Variants in LGI1 observed in about 807,000 individuals in gnomAD.
The protein encoded by LGI1 is leucine rich glioma inactivated 1, also known as leucine-rich glioma-inactivated protein 1.
Under a neutral mutation model 57.7 loss-of-function variants are expected in LGI1, and 11 were observed. The ratio of observed to expected loss-of-function variants is 0.19; its 90% confidence interval spans 0.12 to 0.32. The LOEUF is 0.32. Ranked by LOEUF, LGI1 falls within the 10% of genes least tolerant of loss-of-function variation. The probability of loss-of-function intolerance (pLI) is 1.00; values close to 1 mark genes in which losing one functional copy is unlikely to be tolerated. For missense variants in LGI1, 422 were observed against 661.9 expected (o/e 0.64, Z 3.98); for synonymous variants, 222 against 241.9 (o/e 0.92, Z 0.76).
At chr10:93,772,513 C>T (rs547914548) in intron 2 of LGI1, among the ~76,000 whole-genome samples, 2 of 152,144 alleles carry the variant, frequency 1.3e-5, no homozygotes, top group African/African-American at 4.8e-5. Flanking sequence ...AAAACTTACT[C>T]ATCTATGGAA....
At chr10:93,793,693 C>T (rs982444330) in intron 7 of LGI1, among the ~76,000 whole-genome samples, 1 of 152,178 alleles carries the variant, frequency 6.6e-6, no homozygotes, top group African/African-American at 2.4e-5. Flanking sequence ...GGTTCTGCCA[C>T]AGTCTATTTG....
intron 2 of LGI1, among the ~76,000 whole-genome samples, chr10:93,766,512 C>CTTTTTTTTCTTTTT (rs1554903465): frequency 3.5e-5 from 3 of 84,588 alleles, no homozygotes; most frequent in East Asian, 8.7e-4. Context: ...TTATAGATCT[C>CTTTTTTTTCTTTTT]TTTTTTTTTT....
intron 5 of LGI1, chr10:93,791,241 C>A (rs1482738722): frequency 6.6e-6 from 1 of 152,184 alleles, no homozygotes; most frequent in African/African-American, 2.4e-5. Flanking sequence ...GTTATCCTCT[C>A]TGGTTTACAG....
At chr10:93,771,687 T>C (rs758119242) in intron 2 of LGI1, 2 of 152,152 alleles carry the variant, frequency 1.3e-5, no homozygotes, top group Non-Finnish European at 2.9e-5. Context: ...AAAAAAGGAT[T>C]AAAGGCAGGC....
chr10:93,796,887 G>T, intron 7 of LGI1, 81 bp from the exon 8 acceptor site: 2 of 1,166,582 alleles, frequency 1.7e-6, no homozygotes, highest in Non-Finnish European at 2.5e-6. Context: ...TTGGGTGGAA[G>T]TTGTATGGCC....
At chr10:93,772,568 TATA>T (rs1378660386) in intron 2 of LGI1, 2 of 152,312 alleles carry the variant, frequency 1.3e-5, no homozygotes, top group Admixed American at 6.5e-5. Flanking sequence ...TTGTTCATGA[TATA>T]ATAAGCAAAT....
chr10:93,769,291 T>C (rs1329564223), intron 2 of LGI1: 1 of 152,254 alleles, frequency 6.6e-6, no homozygotes, highest in African/African-American at 2.4e-5. Flanking sequence ...TCCTGTGCTC[T>C]TTCATTTACA....
intron 4 of LGI1, among the ~76,000 whole-genome samples, chr10:93,785,179 C>T (rs1432411041): frequency 3.3e-5 from 5 of 151,956 alleles, no homozygotes; most frequent in Non-Finnish European, 7.4e-5. Context: ...CTAAGAGAGG[C>T]AGAAAGAATA....
At chr10:93,771,472 A>G (rs1347682376) in intron 2 of LGI1, 1 of 152,102 alleles carries the variant, frequency 6.6e-6, no homozygotes, top group Non-Finnish European at 1.5e-5. Flanking sequence ...AATAATATGT[A>G]CTCATGGACA....
intron 2 of LGI1, chr10:93,766,911 A>C (rs982977074): frequency 5.3e-5 from 8 of 152,142 alleles, no homozygotes; most frequent in African/African-American, 1.7e-4. Context: ...TAACCTCCTC[A>C]ATGTCACGCC....
At chr10:93,795,411 A>AG (rs2059972011) in intron 7 of LGI1, among the ~76,000 whole-genome samples, 1 of 152,192 alleles carries the variant, frequency 6.6e-6, no homozygotes, top group African/African-American at 2.4e-5. Context: ...CAGAAGGGCA[A>AG]AAAAAGATCT....
At position 93,758,098 on chromosome 10, in the gene LGI1, T is replaced by C. The variant is rs752237435; in HGVS notation, c.-47T>C. ...TTCTTAGAGCAAGACAATCACCATC[T>C]GAATTCCAGAAGCCCTGTTCATGGT... On this transcript the variant is annotated 5_prime_UTR_variant, in exon 1 of 8. Coordinates refer to ENST00000371418, the MANE Select transcript of LGI1 (RefSeq NM_005097.4). The surrounding 1 kb of genome is among the most constrained non-coding windows in gnomAD (Gnocchi z 4.7). 4 of 1,542,660 alleles carry C rather than the reference T, an allele frequency of 2.6e-6. No homozygotes were observed. The highest frequency in any genetic ancestry group is 2.7e-6 in the Non-Finnish European group (3 of 1,116,342).
intron 4 of LGI1, among the ~76,000 whole-genome samples, chr10:93,787,532 G>A (rs562019158): frequency 1.3e-5 from 2 of 152,258 alleles, no homozygotes; most frequent in Admixed American, 6.5e-5. Flanking sequence ...TCTGTTCTGT[G>A]GTTAGCTTGC....
At chr10:93,781,415 G>A (rs1415953611) in intron 4 of LGI1, among the ~76,000 whole-genome samples, 2 of 151,738 alleles carry the variant, frequency 1.3e-5, no homozygotes, top group East Asian at 1.9e-4. Flanking sequence ...ATATATACCT[G>A]GCTATCAGGC....
At chr10:93,769,191 T>C (rs978202748) in intron 2 of LGI1, 5 of 152,138 alleles carry the variant, frequency 3.3e-5, no homozygotes, top group Non-Finnish European at 4.4e-5. Context: ...AACCAAAGGG[T>C]TTGGATCATT....
At chr10:93,781,130 G>A (rs2059843139) in intron 4 of LGI1, among the ~76,000 whole-genome samples, 1 of 151,998 alleles carries the variant, frequency 6.6e-6, no homozygotes, top group Non-Finnish European at 1.5e-5. Flanking sequence ...AAGCCAAGGA[G>A]GGCAGATCAC....
chr10:93,784,451 G>A (rs1019249721), intron 4 of LGI1, among the ~76,000 whole-genome samples: 1 of 152,168 alleles, frequency 6.6e-6, no homozygotes, highest in Non-Finnish European at 1.5e-5. Flanking sequence ...TCACTTTATA[G>A]AAAAGGGAAT....
chr10:93,792,581 G>T, intron 5 of LGI1, 162 bp from the exon 6 acceptor site: 1 of 728,612 alleles, frequency 1.4e-6, no homozygotes, highest in Non-Finnish European at 2.5e-6. Flanking sequence ...CTAACTCTCT[G>T]AGCCCAAAGT....
At chr10:93,768,731 A>C (rs1409931469) in intron 2 of LGI1, 1 of 152,198 alleles carries the variant, frequency 6.6e-6, no homozygotes, top group Non-Finnish European at 1.5e-5. Context: ...CAAATCTGAA[A>C]TCCACATCCT....
Sources: allele counts gnomAD v4.1 joint callset (sites outside exome capture counted in the v4.1 genomes callset), GRCh38; gene constraint gnomAD v4.1.1; non-coding constraint Gnocchi (gnomAD v3.1); transcripts MANE v1.5; gene names NCBI Gene and HGNC (gene_info 2026-07-23, HGNC 2026-07-21).